The following TATDN1 variants were observed in gnomAD, a reference collection of about 807,000 sequenced individuals.
The protein encoded by TATDN1 is TatD DNase domain containing 1.
In TATDN1, 40 loss-of-function variants were observed where a neutral mutation model predicts 46.4. The observed-to-expected ratio is 0.86, with a 90% CI of 0.67 to 1.12. The LOEUF is 1.12. TATDN1 is among the 50% of genes most tolerant of loss of function. The pLI is 0.00. For synonymous variants in TATDN1, 95 were observed against 105.6 expected, an observed-to-expected ratio of 0.90 and a Z score of 0.62; for missense variants, 326 against 348.4, an observed-to-expected ratio of 0.94 and a Z score of 0.51.
At chr8:124,534,126 A>C (rs2131576671) in intron 1 of TATDN1, among the ~76,000 whole-genome samples, 1 of 139,164 alleles carries the variant, frequency 7.2e-6, no homozygotes, top group Non-Finnish European at 1.5e-5. Context: ...AGCCTGGGCA[A>C]CAGAGCGAGA....
At chr8:124,508,403 A>T in intron 8 of TATDN1, 71 bp downstream of exon 8, 1 of 1,320,600 alleles carries the variant, frequency 7.6e-7, no homozygotes, top group Non-Finnish European at 1.1e-6. Flanking sequence ...AGCATTTTGT[A>T]CTTGGGAGTA....
At chr8:124,493,298 G>T (rs1420179122) in intron 11 of TATDN1, among the ~76,000 whole-genome samples, 2 of 152,100 alleles carry the variant, frequency 1.3e-5, no homozygotes, top group Admixed American at 6.5e-5. Flanking sequence ...AAAAGAAATT[G>T]GATTATGTAC....
chr8:124,520,885 G>A (rs1397125970), intron 3 of TATDN1, among the ~76,000 whole-genome samples: 2 of 147,712 alleles, frequency 1.4e-5, no homozygotes, highest in African/African-American at 2.5e-5. Flanking sequence ...AGAGCTTGCA[G>A]TGAGCCGAGA....
chr8:124,515,460 T>C (rs932138462), intron 6 of TATDN1, among the ~76,000 whole-genome samples: 3 of 152,206 alleles, frequency 2.0e-5, no homozygotes, highest in Non-Finnish European at 4.4e-5. Context: ...ATGCGTCTGT[T>C]AAACAAGCAA....
At chr8:124,527,642 T>A (rs1259423731) in intron 1 of TATDN1, among the ~76,000 whole-genome samples, 2 of 152,068 alleles carry the variant, frequency 1.3e-5, no homozygotes, top group East Asian at 3.9e-4. Context: ...TTGGCCAAGG[T>A]AGTGTCCATT....
chr8:124,519,680 G>C (rs1263504455), intron 3 of TATDN1, among the ~76,000 whole-genome samples: 1 of 152,154 alleles, frequency 6.6e-6, no homozygotes, highest in African/African-American at 2.4e-5. Flanking sequence ...AATGTGAAGT[G>C]GTTTTGAGAG....
At chr8:124,511,806 A>G (rs1417350083) in intron 6 of TATDN1, among the ~76,000 whole-genome samples, 4 of 152,190 alleles carry the variant, frequency 2.6e-5, no homozygotes. Context: ...GGAATGTAAC[A>G]ACAGCCATGA....
intron 4 of TATDN1, among the ~76,000 whole-genome samples, chr8:124,516,692 T>C (rs188911195): frequency 6.4e-4 from 97 of 151,592 alleles, no homozygotes; most frequent in Non-Finnish European, 1.2e-3. Flanking sequence ...TCCTCCATTA[T>C]TGATTCATGT....
chr8:124,514,310 T>A (rs1819275328), intron 6 of TATDN1, among the ~76,000 whole-genome samples: 1 of 152,250 alleles, frequency 6.6e-6, no homozygotes, highest in South Asian at 2.1e-4. Flanking sequence ...ATGCGTAATT[T>A]AAAAAAATCC....
chr8:124,528,409 G>A (rs1339079862), intron 1 of TATDN1, among the ~76,000 whole-genome samples: 1 of 152,176 alleles, frequency 6.6e-6, no homozygotes, highest in East Asian at 1.9e-4. Context: ...TCCTGACCTT[G>A]TGATCCTCCC....
At position 124,536,903 on chromosome 8, in the gene TATDN1, AG is replaced by A. The variant is rs1821472875; in HGVS notation, c.22+2121del. 2.0e-5 allele frequency among the ~76,000 whole-genome samples: 3 copies of A among 152,134 alleles called. No homozygotes were observed. The South Asian group carries it at 6.2e-4, about 32-fold the overall frequency. On this transcript the variant is annotated intron_variant, in intron 1 of 11. Transcript: ENST00000276692. ...AATATGATCTCATTTCTGTTTCAAAAGGAAAAAAAAAAACCTTGATATGTTG... is the reference window on the plus strand; with the variant it reads ...AATATGATCTCATTTCTGTTTCAAAAGAAAAAAAAAAACCTTGATATGTTG...
At chr8:124,533,089 A>G (rs1216788242) in intron 1 of TATDN1, among the ~76,000 whole-genome samples, 1 of 152,068 alleles carries the variant, frequency 6.6e-6, no homozygotes, top group Admixed American at 6.5e-5. Context: ...CGTCTCTACT[A>G]AAAATACAAA....
chr8:124,519,621 G>C (rs1352875703), intron 3 of TATDN1, among the ~76,000 whole-genome samples: 2 of 152,064 alleles, frequency 1.3e-5, no homozygotes, highest in Non-Finnish European at 2.9e-5. Flanking sequence ...TGTATCAGTA[G>C]GTAAGACTCA....
chr8:124,513,209 G>A (rs910155270), intron 6 of TATDN1, among the ~76,000 whole-genome samples: 38 of 152,026 alleles, frequency 2.5e-4, no homozygotes, highest in Non-Finnish European at 4.0e-4. Context: ...CACCGCACCC[G>A]GCTGTTTTTT....
At chr8:124,497,615 C>T (rs764239352) in intron 9 of TATDN1, among the ~76,000 whole-genome samples, 9 of 152,060 alleles carry the variant, frequency 5.9e-5, no homozygotes, top group Non-Finnish European at 1.0e-4. Context: ...TAGAAGATCT[C>T]GAGTACCATC....
intron 6 of TATDN1, among the ~76,000 whole-genome samples, chr8:124,515,017 T>A (rs1199285091): frequency 3.3e-5 from 5 of 152,196 alleles, no homozygotes; most frequent in Admixed American, 1.3e-4. Context: ...CTGGAACTCT[T>A]GAGCTCAAGC....
At position 124,524,406 on chromosome 8, in the gene TATDN1, G is replaced by T. The variant is rs1031642026; in HGVS notation, c.23-1404C>A. Among the ~76,000 whole-genome samples, 12 of 152,246 alleles carry T rather than the reference G, an allele frequency of 7.9e-5. No homozygotes were observed. In the East Asian group the frequency reaches 1.9e-3, roughly 25 times the overall value. On this transcript the variant is annotated intron_variant, in intron 1 of 11. Coordinates refer to ENST00000276692, the MANE Select transcript of TATDN1 (RefSeq NM_032026.4). ...GTTTGGTGGAATGGCCCAATCCAAAGAATTACTATCTAGTTTCTTTATAAG... is the reference window on the plus strand; with the variant it reads ...GTTTGGTGGAATGGCCCAATCCAAATAATTACTATCTAGTTTCTTTATAAG...
chr8:124,536,798 T>C (rs1821461850), intron 1 of TATDN1, among the ~76,000 whole-genome samples: 1 of 152,160 alleles, frequency 6.6e-6, no homozygotes, highest in Non-Finnish European at 1.5e-5. Flanking sequence ...AGTCTAGCGA[T>C]TCATGGGCAG....
chr8:124,505,947 C>A (rs558602496), intron 8 of TATDN1, among the ~76,000 whole-genome samples: 3 of 151,442 alleles, frequency 2.0e-5, no homozygotes, highest in Non-Finnish European at 4.4e-5. Context: ...AATTATTTGG[C>A]AATTTCTTTT....
Sources: gnomAD v4.1 joint callset for allele counts (sites outside exome capture counted in the v4.1 genomes callset) on GRCh38, gnomAD v4.1.1 for gene constraint, MANE v1.5 for transcripts, NCBI Gene and HGNC (gene_info 2026-07-23, HGNC 2026-07-21) for gene names.